ARHGAP6: variants seen among roughly 807,000 people sequenced by gnomAD.
The protein encoded by ARHGAP6 is Rho GTPase activating protein 6.
In ARHGAP6, 16 loss-of-function variants were observed where a neutral mutation model predicts 55.7. That is an observed-to-expected ratio of 0.29 (90% CI 0.19 to 0.44). The LOEUF is 0.44. Ranked by LOEUF, ARHGAP6 falls within the 20% of genes least tolerant of loss-of-function variation. The pLI is 1.00. For synonymous variants in ARHGAP6, 382 were observed against 360.9 expected (o/e 1.06, Z -0.66); for missense variants, 698 against 808.9 (o/e 0.86, Z 1.66).
At chrX:11,607,852 C>G (rs2052053810) in intron 1 of ARHGAP6, among the ~76,000 whole-genome samples, 1 of 111,984 alleles carries the variant, frequency 8.9e-6, no homozygotes, top group Non-Finnish European at 1.9e-5. Flanking sequence ...TTGAGCGAAC[C>G]AGTGCAAAAG....
intron 1 of ARHGAP6, among the ~76,000 whole-genome samples, chrX:11,445,749 T>A (rs1221924392): frequency 9.0e-6 from 1 of 111,348 alleles, no homozygotes; most frequent in Non-Finnish European, 1.9e-5. Flanking sequence ...ACTACTGGCA[T>A]CTAGTGGGTA....
intron 8 of ARHGAP6, among the ~76,000 whole-genome samples, chrX:11,171,611 A>G (rs551559253): frequency 1.8e-5 from 2 of 112,390 alleles, no homozygotes; most frequent in South Asian, 7.4e-4. Context: ...TACAAGTTGA[A>G]TTGTTGTAAT....
intron 1 of ARHGAP6, among the ~76,000 whole-genome samples, chrX:11,260,492 G>C (rs1397089716): frequency 9.0e-6 from 1 of 111,432 alleles, no homozygotes; most frequent in Non-Finnish European, 1.9e-5. Context: ...GAGGTCCCAA[G>C]ACTGGAATTC....
intron 1 of ARHGAP6, among the ~76,000 whole-genome samples, chrX:11,632,448 G>A (rs1414448755): frequency 8.9e-6 from 1 of 112,311 alleles, no homozygotes; most frequent in Non-Finnish European, 1.9e-5. Context: ...TATGGGTAGA[G>A]AATTGAAATA....
At chrX:11,204,693 T>C (rs1221404415) in intron 2 of ARHGAP6, among the ~76,000 whole-genome samples, 1 of 112,065 alleles carries the variant, frequency 8.9e-6, no homozygotes, top group African/African-American at 3.2e-5. Flanking sequence ...GTACCTGTCC[T>C]CTGAGACTTC....
At chrX:11,653,079 G>A (rs759049877) in intron 1 of ARHGAP6, among the ~76,000 whole-genome samples, 1 of 112,049 alleles carries the variant, frequency 8.9e-6, no homozygotes, top group Non-Finnish European at 1.9e-5. Flanking sequence ...AATCACTGTA[G>A]TATGTGGAAA....
chrX:11,333,924 GT>G (rs1762711287), intron 1 of ARHGAP6, among the ~76,000 whole-genome samples: 1 of 111,779 alleles, frequency 8.9e-6, no homozygotes, highest in South Asian at 3.8e-4. Flanking sequence ...TAATTGACAA[GT>G]TTTTTGGTGC....
At chrX:11,361,746 A>ACCTAC (rs1461435178) in intron 1 of ARHGAP6, among the ~76,000 whole-genome samples, 1 of 111,729 alleles carries the variant, frequency 9.0e-6, no homozygotes, top group Non-Finnish European at 1.9e-5. Context: ...AATTTTTGCA[A>ACCTAC]CCTACTCATC....
chrX:11,635,169 T>C (rs2052404115), intron 1 of ARHGAP6, among the ~76,000 whole-genome samples: 1 of 112,167 alleles, frequency 8.9e-6, no homozygotes, highest in African/African-American at 3.2e-5. Context: ...ATCATGTAAG[T>C]GATGTCCTCC....
intron 1 of ARHGAP6, among the ~76,000 whole-genome samples, chrX:11,595,533 A>G (rs977364549): frequency 2.7e-5 from 3 of 111,793 alleles, no homozygotes; most frequent in African/African-American, 9.8e-5. Flanking sequence ...CTTCATGTCT[A>G]AAACACCAAA....
intron 1 of ARHGAP6, among the ~76,000 whole-genome samples, chrX:11,397,258 A>G (rs1224941534): frequency 9.0e-6 from 1 of 111,596 alleles, no homozygotes; most frequent in African/African-American, 3.3e-5. Context: ...CACCAAGAAG[A>G]AAGAATAATA....
At chrX:11,482,482 ATGT>A (rs1315983005) in intron 1 of ARHGAP6, among the ~76,000 whole-genome samples, 1 of 111,223 alleles carries the variant, frequency 9.0e-6, no homozygotes, top group Admixed American at 9.5e-5. Flanking sequence ...GTGTCCTGAG[ATGT>A]TGACCTCTCA....
intron 2 of ARHGAP6, among the ~76,000 whole-genome samples, chrX:11,224,659 T>TG (rs1195314719): frequency 6.7e-5 from 7 of 104,030 alleles, no homozygotes; most frequent in African/African-American, 2.2e-4. Flanking sequence ...TATATGTTGG[T>TG]GGAGGGGGGG....
intron 9 of ARHGAP6, among the ~76,000 whole-genome samples, chrX:11,167,968 A>G (rs763527151): frequency 1.8e-5 from 2 of 112,115 alleles, no homozygotes; most frequent in Admixed American, 9.4e-5. Context: ...AAACAGGAAC[A>G]AGATGCCATT....
intron 2 of ARHGAP6, among the ~76,000 whole-genome samples, chrX:11,206,922 G>A (rs1319147853): frequency 1.8e-5 from 2 of 111,762 alleles, no homozygotes; most frequent in Non-Finnish European, 3.8e-5. Context: ...AGAAATGCCT[G>A]CCAGGTTTCT....
intron 1 of ARHGAP6, among the ~76,000 whole-genome samples, chrX:11,340,459 G>A (rs187575037): frequency 0.012 from 1,321 of 112,144 alleles, 8 homozygotes; most frequent in Non-Finnish European, 0.019. Context: ...GCCGGGTGCA[G>A]TGGCTCGCGC....
chrX:11,388,479 A>G (rs1340063007), intron 1 of ARHGAP6, among the ~76,000 whole-genome samples: 1 of 111,820 alleles, frequency 8.9e-6, no homozygotes, highest in Admixed American at 9.4e-5. Flanking sequence ...AGTAGATTGC[A>G]AAAATTTTCT....
intron 9 of ARHGAP6, among the ~76,000 whole-genome samples, chrX:11,160,650 T>TA (rs1234962230): frequency 3.6e-5 from 4 of 111,848 alleles, no homozygotes; most frequent in Non-Finnish European, 7.5e-5. Context: ...TATCATTACT[T>TA]AAAAAATAAC....
intron 1 of ARHGAP6, among the ~76,000 whole-genome samples, chrX:11,424,457 CATT>C (rs1488079996): frequency 1.8e-5 from 2 of 112,161 alleles, no homozygotes; most frequent in African/African-American, 3.2e-5. Flanking sequence ...GCCAGAAAAT[CATT>C]GATTCATTCA....
Sources: allele counts gnomAD v4.1 joint callset (sites outside exome capture counted in the v4.1 genomes callset), GRCh38; gene constraint gnomAD v4.1.1; transcripts MANE v1.5; gene names NCBI Gene and HGNC (gene_info 2026-07-23, HGNC 2026-07-21).